KIAA1671: variants seen among roughly 807,000 people sequenced by gnomAD.
The protein encoded by KIAA1671 is uncharacterized protein KIAA1671.
In KIAA1671, 52 loss-of-function variants were observed where a neutral mutation model predicts 131.2. The ratio of observed to expected loss-of-function variants is 0.40; its 90% CI spans 0.32 to 0.50. The LOEUF is 0.50. Among genes scored for constraint, KIAA1671 ranks in the 20% least tolerant of loss-of-function variants. The pLI is 0.73. For synonymous variants in KIAA1671, 1,003 were observed against 961.6 expected, an observed-to-expected ratio of 1.04 and a Z score of -0.80; for missense variants, 2,360 against 2,364.2, an observed-to-expected ratio of 1.00 and a Z score of 0.04.
intron 1 of KIAA1671, among the ~76,000 whole-genome samples, chr22:24,985,433 G>A (rs1403020634): frequency 1.3e-5 from 2 of 150,090 alleles, no homozygotes; most frequent in African/African-American, 4.9e-5. Context: ...TCCGCCTCCC[G>A]GGTTCACGCC....
chr22:25,135,143 T>C (rs1016271702), intron 6 of KIAA1671, among the ~76,000 whole-genome samples: 1 of 152,228 alleles, frequency 6.6e-6, no homozygotes, highest in Non-Finnish European at 1.5e-5. Flanking sequence ...GTCTGCACTT[T>C]GGGCTGTTAG....
At chr22:25,189,640 A>G (rs1198160571) in intron 11 of KIAA1671, among the ~76,000 whole-genome samples, 1 of 152,250 alleles carries the variant, frequency 6.6e-6, no homozygotes, top group Non-Finnish European at 1.5e-5. Context: ...ATATCTGGGT[A>G]CACATTAGGT....
At chr22:24,989,244 G>A (rs147626763) in intron 1 of KIAA1671, among the ~76,000 whole-genome samples, 29 of 152,268 alleles carry the variant, frequency 1.9e-4, no homozygotes, top group African/African-American at 7.0e-4. Flanking sequence ...TCTCCCACCT[G>A]GAGGATGGCA....
chr22:25,113,046 T>C (rs970857936), intron 6 of KIAA1671, among the ~76,000 whole-genome samples: 1 of 152,098 alleles, frequency 6.6e-6, no homozygotes, highest in African/African-American at 2.4e-5. Context: ...TCGGGAGGGC[T>C]TGGATTGGGA....
chr22:25,096,138 C>T (rs1211004810), intron 6 of KIAA1671, among the ~76,000 whole-genome samples: 2 of 152,192 alleles, frequency 1.3e-5, no homozygotes, highest in African/African-American at 2.4e-5. Flanking sequence ...TGTGTGTCCC[C>T]GGCCTTGTCA....
At chr22:25,037,412 G>GTATATATGTGTA (rs1926675201) in intron 4 of KIAA1671, among the ~76,000 whole-genome samples, 2 of 151,152 alleles carry the variant, frequency 1.3e-5, no homozygotes, top group South Asian at 4.2e-4. Flanking sequence ...ATATATGTGT[G>GTATATATGTGTA]TATATATATG....
intron 6 of KIAA1671, among the ~76,000 whole-genome samples, chr22:25,067,299 C>T (rs1928528545): frequency 6.6e-6 from 1 of 152,054 alleles, no homozygotes; most frequent in Non-Finnish European, 1.5e-5. Flanking sequence ...TTATTCTTAG[C>T]CCCCTGCCCT....
chr22:25,183,532 T>TC (rs945728483), intron 10 of KIAA1671, among the ~76,000 whole-genome samples: 4 of 146,200 alleles, frequency 2.7e-5, no homozygotes, highest in Admixed American at 6.8e-5. Context: ...CTTCCTTCCT[T>TC]CTTCTTTTTT....
chr22:25,142,159 A>G (rs924874759), intron 6 of KIAA1671, among the ~76,000 whole-genome samples: 3 of 152,090 alleles, frequency 2.0e-5, no homozygotes, highest in African/African-American at 7.2e-5. Context: ...GCAATTCCAC[A>G]CTAGCATCCT....
rs556817159 is a variant in KIAA1671 at position 25,139,843 on chromosome 22, A to C, written c.4531-30977A>C. Among the ~76,000 whole-genome samples the C allele has an allele frequency of 4.6e-5, 7 of 152,348 alleles. No individual in the cohort carries two copies. In the East Asian group the frequency reaches 1.4e-3, roughly 29 times the overall value. ...TATCTAGGAAAAGGAAGAACATGCC[A>C]GAAGTGGGAACAGCAAGTGTGAAGG... On this transcript the variant is annotated intron_variant, in intron 6 of 12. Transcript: ENST00000358431.
intron 6 of KIAA1671, among the ~76,000 whole-genome samples, chr22:25,131,885 C>T (rs1053520915): frequency 1.2e-4 from 18 of 152,146 alleles, no homozygotes; most frequent in African/African-American, 3.4e-4. Context: ...AGGGGATGGC[C>T]GGGGCATAAC....
intron 6 of KIAA1671, chr22:25,050,709 T>A (rs1433360233): frequency 6.6e-6 from 1 of 152,298 alleles, no homozygotes; most frequent in Non-Finnish European, 1.5e-5. Flanking sequence ...GGGGAGGAAC[T>A]CAGATCCCAG....
chr22:25,175,367 G>GAGGA (rs1933985641), intron 8 of KIAA1671: 1 of 152,208 alleles, frequency 6.6e-6, no homozygotes, highest in Admixed American at 6.5e-5. Flanking sequence ...TTCCCCAGAG[G>GAGGA]AGGAACACCG....
At chr22:25,086,968 C>A (rs988022818) in intron 6 of KIAA1671, among the ~76,000 whole-genome samples, 3 of 152,254 alleles carry the variant, frequency 2.0e-5, no homozygotes, top group Admixed American at 2.0e-4. Context: ...GCCTGTTAAC[C>A]CCCAAACAGC....
At chr22:25,052,127 CCCTGCCAGCT>C (rs1927565932) in intron 6 of KIAA1671, 1 of 152,874 alleles carries the variant, frequency 6.5e-6, no homozygotes, top group Non-Finnish European at 1.5e-5. Flanking sequence ...CCCTGCCAGC[CCCTGCCAGCT>C]CCTCTCTCTC....
At chr22:25,066,278 A>G (rs886914860) in intron 6 of KIAA1671, among the ~76,000 whole-genome samples, 2 of 152,176 alleles carry the variant, frequency 1.3e-5, no homozygotes, top group African/African-American at 4.8e-5. Flanking sequence ...CCTCCTGAGT[A>G]GCTGAGACTA....
rs1739170380 is a variant in KIAA1671, at chr22:25,039,401, C to T, written c.2271C>T (p.Val757=). The change falls in exon 5 of 13, where the codon GTC becomes GTT. Residue 757 remains valine, a synonymous_variant. Coordinates refer to ENST00000358431, the MANE Select transcript of KIAA1671 (RefSeq NM_001145206.2). ...CACCGGCACCGGAGGAGAAAGCGGT[C>T]ACGCTCCGCAGCCTCAGGTCTTGGC... ...AISPAPEEKA[V]TLRSLRSWLS... is the part of the protein sequence containing the mutation. The T allele has an allele frequency of 2.6e-6, 4 of 1,551,810 alleles. No individual in the cohort carries two copies. The highest frequency in any genetic ancestry group is 3.5e-6 in the Non-Finnish European group (4 of 1,147,026).
chr22:25,084,251 C>T (rs376023787), intron 6 of KIAA1671, among the ~76,000 whole-genome samples: 11 of 152,064 alleles, frequency 7.2e-5, no homozygotes, highest in African/African-American at 1.4e-4. Flanking sequence ...CCGAGGCGGG[C>T]GGATCACCGA....
chr22:25,194,522 C>G lies in KIAA1671; in HGVS notation c.*2121C>G, dbSNP rs1185398093. ...ATATTGATGGTCCTCATGCAAAACT[C>G]TCAATTCTTAATTAGTCATGTCTCA... On this transcript the variant is annotated 3_prime_UTR_variant, in exon 13 of 13. Coordinates refer to ENST00000358431, the MANE Select transcript of KIAA1671 (RefSeq NM_001145206.2). 6.6e-6 allele frequency: 1 copy of G among 152,218 alleles called. No individual in the cohort carries two copies. Among genetic ancestry groups the G allele is most frequent in the Non-Finnish European group, 1.5e-5 (1 of 68,040 alleles). 9.4% of individuals were successfully genotyped at this position (152,218 alleles called of 1,614,324 possible).
Sources: allele counts gnomAD v4.1 joint callset (sites outside exome capture counted in the v4.1 genomes callset), GRCh38; gene constraint gnomAD v4.1.1; transcripts MANE v1.5; gene names NCBI Gene and HGNC (gene_info 2026-07-23, HGNC 2026-07-21).